The following SOHLH1 variants were observed in gnomAD, a reference collection of about 807,000 sequenced individuals.
The protein encoded by SOHLH1 is spermatogenesis- and oogenesis-specific basic helix-loop-helix-containing protein 1.
Under a neutral mutation model 36.2 loss-of-function variants are expected in SOHLH1, and 23 were observed. The ratio of observed to expected loss-of-function variants is 0.64; its 90% CI spans 0.46 to 0.90. The LOEUF is 0.90. Ranked by LOEUF, SOHLH1 falls within the 40% of genes least tolerant of loss-of-function variation. The pLI, the probability that SOHLH1 is intolerant of heterozygous loss-of-function variation, is 0.00. For missense variants in SOHLH1, 608 were observed against 517.0 expected, an observed-to-expected ratio of 1.18 and a Z score of -1.71; for synonymous variants, 289 against 228.3, an observed-to-expected ratio of 1.27 and a Z score of -2.40.
intron 7 of SOHLH1, 107 bp from the exon 8 acceptor site, chr9:135,693,921 G>A (rs1290071810): frequency 8.9e-6 from 13 of 1,463,342 alleles, no homozygotes; most frequent in Admixed American, 2.3e-5. Context: ...CGTCTGCCCT[G>A]CCCTGTCCCC....
Position 135,699,048 on chromosome 9 carries a change from G to A in SOHLH1, c.144C>T (p.Ala48=), listed in dbSNP as rs775523387. Residue 48 remains alanine, a synonymous_variant, in exon 2 of 8, where the codon GCC becomes GCT. Coordinates refer to ENST00000425225, the MANE Select transcript of SOHLH1 (RefSeq NM_001101677.2). ...GSGPPKAPTV[A]EGPSSCLRRN... ...GCCGAAGGCAGGAGCTGGGACCCTC[G>A]GCCACCGTAGGGGCCTTGGGCGGGC... 4.6e-5 allele frequency: 74 copies of A among 1,611,348 alleles called. No individual in the cohort carries two copies. In the East Asian group the frequency reaches 1.5e-3, roughly 33 times the overall value.
chr9:135,699,208 T>G, intron 1 of SOHLH1, 82 bp from the exon 2 acceptor site: 1 of 1,544,580 alleles, frequency 6.5e-7, no homozygotes, highest in South Asian at 1.2e-5. Flanking sequence ...ATGGGCGTCT[T>G]TGGGGTGCGG....
chr9:135,697,796 C>T (rs1183673984), intron 3 of SOHLH1, among the ~76,000 whole-genome samples, 169 bp from the exon 4 acceptor site: 5 of 152,124 alleles, frequency 3.3e-5, no homozygotes, highest in African/African-American at 1.2e-4. Flanking sequence ...AGGTTCCACC[C>T]CCGAAAGGCC....
upstream of SOHLH1, among the ~76,000 whole-genome samples, chr9:135,700,892 G>A (rs1257961090): frequency 6.6e-6 from 1 of 152,116 alleles, no homozygotes; most frequent in Non-Finnish European, 1.5e-5. Flanking sequence ...GGCAGAGTGG[G>A]GCCAAGTTTT....
rs753622955 is a variant in SOHLH1 at position 135,695,072 on chromosome 9, G to A, written c.853C>T (p.Pro285Ser). The A allele has an allele frequency of 3.3e-5, 53 of 1,597,254 alleles. No individual in the cohort carries two copies. Among genetic ancestry groups the A allele is most frequent in the Middle Eastern group, 2.2e-4 (1 of 4,468 alleles). ...APLGEPAKEDPMLAQEAGSAL... is the reference protein window; with the variant it reads ...APLGEPAKEDSMLAQEAGSAL... The stretch of plus-strand genomic sequence containing the variant: ...CACCCGGCCTCCTGCGCCAGCATGG[G>A]GTCCTCCTTGGCTGGCTCCCCCAGA... The change falls in exon 6 of 8, where the codon CCC becomes TCC. Residue 285 changes from proline (P) to serine (S), a missense_variant. Transcript: ENST00000425225.
chr9:135,699,135 A>T lies in SOHLH1; in HGVS notation c.66-9T>A, dbSNP rs745995450. 50 of 1,592,462 alleles carry T rather than the reference A, an allele frequency of 3.1e-5. No homozygotes were observed. In the Middle Eastern group the frequency reaches 6.4e-4, roughly 20 times the overall value. On this transcript the variant is annotated splice_polypyrimidine_tract_variant and intron_variant, in intron 1 of 7. Coordinates refer to ENST00000425225, the MANE Select transcript of SOHLH1 (RefSeq NM_001101677.2). ...CACCAGACAGGGAGCCGCTGCCGAG[A>T]AAGCCAAGAGCACCGGGCCCTGAGA...
At position 135,693,596 on chromosome 9, in the gene SOHLH1, G is replaced by A. The variant is rs1299957177; in HGVS notation, c.*1C>T. 6 of 1,564,476 alleles carry A rather than the reference G, an allele frequency of 3.8e-6. No homozygotes were observed. The Admixed American group carries it at 7.4e-5, about 19-fold the overall frequency. On this transcript the variant is annotated 3_prime_UTR_variant, in exon 8 of 8. Transcript: ENST00000425225. Reference sequence around the variant, plus strand: ...CCCGCCTCCTCTCCACAGCCTGGCTGCTAGCAGGCAAAGAAGTCAGGGAAG... The same window carrying A: ...CCCGCCTCCTCTCCACAGCCTGGCTACTAGCAGGCAAAGAAGTCAGGGAAG...
chr9:135,695,051 C>G lies in SOHLH1; in HGVS notation c.874G>C (p.Gly292Arg), dbSNP rs373023569. 15 of 1,590,594 alleles carry G rather than the reference C, an allele frequency of 9.4e-6. No homozygotes were observed. Among genetic ancestry groups the G allele is most frequent in the Non-Finnish European group, 1.3e-5 (15 of 1,170,946 alleles). ...KEDPMLAQEA[G>R]SALGSDVDDG... is the part of the protein sequence containing the mutation. Reference sequence around the variant, plus strand: ...CGTGCACACCACCTGGGCACTCACCCGGCCTCCTGCGCCAGCATGGGGTCC... The same window carrying G: ...CGTGCACACCACCTGGGCACTCACCGGGCCTCCTGCGCCAGCATGGGGTCC... The change falls in exon 6 of 8, where the codon GGG becomes CGG. Residue 292 changes from glycine to arginine, a missense_variant and splice_region_variant. Transcript: ENST00000425225.
At chr9:135,697,903 A>G (rs503511) in intron 3 of SOHLH1, among the ~76,000 whole-genome samples, 132,061 of 151,774 alleles carry the variant, frequency 0.87, 58,053 homozygotes, top group East Asian at 0.98. Context: ...CATTCCCCAC[A>G]CAGGTCCTCA....
chr9:135,700,194 A>C (rs1235115116), upstream of SOHLH1, among the ~76,000 whole-genome samples: 1 of 152,086 alleles, frequency 6.6e-6, no homozygotes, highest in Non-Finnish European at 1.5e-5. Flanking sequence ...CTGGGGCCCC[A>C]GCTCGACCCC....
chr9:135,701,877 G>A (rs886966323), upstream of SOHLH1, among the ~76,000 whole-genome samples: 1 of 152,214 alleles, frequency 6.6e-6, no homozygotes, highest in Non-Finnish European at 1.5e-5. Context: ...GCCCGCCAAG[G>A]ACCCAGAGCC....
chr9:135,694,491 AGC>A, intron 6 of SOHLH1, 34 bp from the exon 7 acceptor site: 5 of 1,610,086 alleles, frequency 3.1e-6, no homozygotes, highest in Non-Finnish European at 4.2e-6. Context: ...AGTGGCCACA[AGC>A]GGACCCAGAC....
Position 135,696,044 on chromosome 9 carries a change from G to A in SOHLH1, c.661+568C>T, listed in dbSNP as rs533152419. ...GAGAAGCAGGGCCACAAAGCTGGAC[G>A]GAGCAACCAGGATGGGGCCGAGTCC... On this transcript the variant is annotated intron_variant, in intron 5 of 7. Coordinates refer to ENST00000425225, the MANE Select transcript of SOHLH1 (RefSeq NM_001101677.2). Among the ~76,000 whole-genome samples, 29 of 151,430 alleles carry A rather than the reference G, an allele frequency of 1.9e-4. No individual in the cohort carries two copies. The South Asian group carries it at 2.1e-3, about 11-fold the overall frequency.
intron 3 of SOHLH1, among the ~76,000 whole-genome samples, chr9:135,697,894 A>G (rs1244683304): frequency 6.6e-6 from 1 of 152,084 alleles, no homozygotes; most frequent in Non-Finnish European, 1.5e-5. Context: ...ACACAGTTTC[A>G]TTCCCCACAC....
At position 135,693,690 on chromosome 9, in the gene SOHLH1, G is replaced by C. The variant is rs1260783440; in HGVS notation, c.1071C>G (p.Ser357Arg). The C allele has an allele frequency of 6.3e-6, 10 of 1,579,486 alleles. No homozygotes were observed. The highest frequency in any genetic ancestry group is 8.6e-6 in the Non-Finnish European group (10 of 1,163,594). ...CATCCAGGCCCCACGGCTCCAGAGGGCTGTCCTGGAGCTCCTGGGAGCCAA... is the reference window on the plus strand; with the variant it reads ...CATCCAGGCCCCACGGCTCCAGAGGCCTGTCCTGGAGCTCCTGGGAGCCAA... The part of the protein sequence containing the change: ...PELGSQELQD[S>R]PLEPWGLDVD... The change falls in exon 8 of 8, where the codon AGC (serine) becomes AGG (arginine). Residue 357 changes from serine (S) to arginine (R), a missense_variant. Transcript: ENST00000425225.
At chr9:135,696,885 G>C (rs964719230) in intron 4 of SOHLH1, 80 bp from the exon 5 acceptor site, 3 of 1,492,490 alleles carry the variant, frequency 2.0e-6, no homozygotes, top group East Asian at 4.8e-5. Context: ...CCCAAGAGCA[G>C]AGGGCTGGAC....
At chr9:135,699,492 C>G (rs1834958196), upstream of SOHLH1, 32 of 1,607,518 alleles carry the variant, frequency 2.0e-5, no homozygotes, top group Non-Finnish European at 2.7e-5. Flanking sequence ...GGAGCGACCC[C>G]ACGCGCACGG....
chr9:135,699,384 C>T lies in SOHLH1; in HGVS notation c.65+19G>A, dbSNP rs558113. On this transcript the variant is annotated intron_variant, in intron 1 of 7. Transcript: ENST00000425225. ...GGCCTTGGGCCCCCAACCCCTTGGC[C>T]GCCAGCCCAATTCCTCACTTGCATC... The T allele has an allele frequency of 0.89, 1,435,971 of 1,607,012 alleles. 644,013 individuals are homozygous for T. The highest frequency in any genetic ancestry group is 0.91 in the Non-Finnish European group (1,073,955 of 1,177,202).
At chr9:135,696,290 C>A (rs992089910) in intron 5 of SOHLH1, among the ~76,000 whole-genome samples, 1 of 152,150 alleles carries the variant, frequency 6.6e-6, no homozygotes, top group Admixed American at 6.5e-5. Context: ...CAGGCCCTCC[C>A]TTCCCTGGAG....
Sources: allele counts gnomAD v4.1 joint callset (sites outside exome capture counted in the v4.1 genomes callset), GRCh38; gene constraint gnomAD v4.1.1; transcripts MANE v1.5; gene names NCBI Gene and HGNC (gene_info 2026-07-23, HGNC 2026-07-21).